The following NOM1 variants were observed in gnomAD, a reference collection of about 807,000 sequenced individuals.
NOM1 encodes the protein nucleolar protein with MIF4G domain 1, also known as nucleolar MIF4G domain-containing protein 1.
NOM1 carries 58 observed loss-of-function variants against 73.3 expected under a neutral mutation model. The observed-to-expected ratio is 0.79, with a 90% CI of 0.64 to 0.99. The LOEUF (loss-of-function observed/expected upper bound fraction) is 0.99, where lower values mean the gene tolerates loss of function less well. NOM1 is among the 50% of genes least tolerant of loss of function. The pLI, the probability that NOM1 is intolerant of heterozygous loss-of-function variation, is 0.00. For missense variants in NOM1, 1,226 were observed against 1,131.9 expected, an observed-to-expected ratio of 1.08 and a Z score of -1.19; for synonymous variants, 487 against 446.8, an observed-to-expected ratio of 1.09 and a Z score of -1.14.
chr7:156,966,476 C>T (rs890112355), intron 8 of NOM1, 74 bp downstream of exon 8: 66 of 1,563,446 alleles, frequency 4.2e-5, no homozygotes, highest in Non-Finnish European at 5.4e-5. Flanking sequence ...CTCAACCCAC[C>T]TGCAAAGGAG....
chr7:156,953,287 G>A (rs942762025), intron 2 of NOM1, among the ~76,000 whole-genome samples: 17 of 151,984 alleles, frequency 1.1e-4, no homozygotes, highest in Admixed American at 9.2e-4. Flanking sequence ...GCGCCACCAC[G>A]CCAACTAGTT....
intron 2 of NOM1, 90 bp from the exon 3 acceptor site, chr7:156,954,013 T>A: frequency 9.8e-7 from 1 of 1,015,814 alleles, no homozygotes; most frequent in South Asian, 1.5e-5. Flanking sequence ...AATATATTGT[T>A]GGTATGGATA....
chr7:156,950,479 G>A lies in NOM1; in HGVS notation c.742G>A (p.Glu248Lys), dbSNP rs151324588. Reference protein sequence around the residue: ...EEEDAGQTLPESDLESDSQDE... With the variant: ...EEEDAGQTLPKSDLESDSQDE... ...GGAAGATGCCGGACAGACACTCCCC[G>A]AAAGTGACTTAGAGAGTGACTCCCA... Residue 248 changes from glutamate to lysine, a missense_variant, in exon 1 of 11, where the codon GAA (glutamate) becomes AAA (lysine). Transcript: ENST00000275820. The A allele has an allele frequency of 1.2e-3, 2,002 of 1,614,004 alleles. 3 individuals are homozygous for A. The highest frequency in any genetic ancestry group is 1.6e-3 in the Non-Finnish European group (1,861 of 1,179,898).
intron 7 of NOM1, 127 bp from the exon 8 acceptor site, chr7:156,966,143 C>T (rs1325625924): frequency 1.7e-6 from 2 of 1,178,404 alleles, no homozygotes; most frequent in Non-Finnish European, 2.4e-6. Flanking sequence ...GCCGCTGCCT[C>T]CACCTCCTTT....
intron 2 of NOM1, among the ~76,000 whole-genome samples, chr7:156,953,030 A>G (rs1804631987): frequency 6.6e-6 from 1 of 152,238 alleles, no homozygotes; most frequent in African/African-American, 2.4e-5. Flanking sequence ...ATTGGAAACC[A>G]TACAGGTGGG....
chr7:156,967,154 TG>T, intron 9 of NOM1, 62 bp downstream of exon 9: 1 of 1,558,082 alleles, frequency 6.4e-7, no homozygotes. Flanking sequence ...GTTTAGTACC[TG>T]GTAAATCAGG....
At position 156,969,124 on chromosome 7, in the gene NOM1, G is replaced by GT; in HGVS notation, c.2342dup (p.Leu781PhefsTer15). 4 of 1,593,694 alleles carry GT rather than the reference G, an allele frequency of 2.5e-6. No individual in the cohort carries two copies. Among genetic ancestry groups the GT allele is most frequent in the Non-Finnish European group, 3.4e-6 (4 of 1,161,602 alleles). The stretch of plus-strand genomic sequence containing the variant: ...AGTGAATTGGACAAACCCAGAGTCC[G>GT]TTTTTTACGAAAAGTATTAAGTATC... On this transcript the variant is annotated frameshift_variant, in exon 10 of 11. Transcript: ENST00000275820. LOFTEE classifies it high-confidence loss of function.
chr7:156,954,404 C>T (rs1409138070), intron 3 of NOM1, 106 bp downstream of exon 3: 6 of 906,214 alleles, frequency 6.6e-6, no homozygotes, highest in African/African-American at 3.5e-5. Flanking sequence ...GTTCTTGTGT[C>T]GATTCCTTTT....
Position 156,963,892 on chromosome 7 carries a change from A to G in NOM1, c.1912-13A>G, listed in dbSNP as rs1268085686. The G allele has an allele frequency of 6.2e-7, 1 of 1,609,902 alleles. No individual in the cohort carries two copies. The highest frequency in any genetic ancestry group is 8.5e-7 in the Non-Finnish European group (1 of 1,178,052). On this transcript the variant is annotated splice_polypyrimidine_tract_variant and intron_variant, in intron 6 of 10. Transcript: ENST00000275820. ...AGACATGCGTATGACTTGTCCATTCATCGTGCTTCCAGGTCAGTTCAAAGA... is the reference window on the plus strand; with the variant it reads ...AGACATGCGTATGACTTGTCCATTCGTCGTGCTTCCAGGTCAGTTCAAAGA...
In NOM1 at chr7:156,950,386, G is replaced by C. The variant is rs1394508735; in HGVS notation, c.649G>C (p.Asp217His). 3.1e-6 allele frequency: 5 copies of C among 1,614,256 alleles called. No homozygotes were observed. The highest frequency in any genetic ancestry group is 4.2e-6 in the Non-Finnish European group (5 of 1,180,038). ...VPLSFARDGL[D>H]YILGALESGK... ...GCTGAGCTTTGCACGCGACGGTCTT[G>C]ACTATATTCTGGGAGCCCTGGAGTC... Residue 217 changes from aspartate to histidine, a missense_variant, in exon 1 of 11, where the codon GAC becomes CAC. By Grantham distance (81) the Asp-to-His change is moderately conservative. Transcript: ENST00000275820.
intron 8 of NOM1, 51 bp from the exon 9 acceptor site, chr7:156,966,910 A>G: frequency 1.3e-6 from 2 of 1,547,294 alleles, no homozygotes; most frequent in Non-Finnish European, 8.8e-7. Flanking sequence ...GTGATATATT[A>G]TAGTAATTTG....
intron 9 of NOM1, chr7:156,968,738 T>G: frequency 7.3e-6 from 1 of 137,104 alleles, no homozygotes; most frequent in Non-Finnish European, 1.5e-5. Flanking sequence ...TATATAGTTT[T>G]AATTAGGGGA....
rs1442211710 is a variant in NOM1 at position 156,949,933 on chromosome 7, G to A, written c.196G>A (p.Glu66Lys). 1 of 1,542,052 alleles carries A rather than the reference G, an allele frequency of 6.5e-7. No individual in the cohort carries two copies. ...TSEGEAPGGC[E>K]GRGAPVSFRP... is the part of the protein sequence containing the mutation. ...GGAAGGCGAGGCTCCCGGGGGTTGCGAGGGGCGCGGCGCCCCGGTGAGCTT... is the reference window on the plus strand; with the variant it reads ...GGAAGGCGAGGCTCCCGGGGGTTGCAAGGGGCGCGGCGCCCCGGTGAGCTT... The change falls in exon 1 of 11, where the codon GAG becomes AAG. Residue 66 changes from glutamate (E) to lysine (K), a missense_variant. Physicochemically the swap from Glu to Lys is moderately conservative, Grantham distance 56. Coordinates refer to ENST00000275820, the MANE Select transcript of NOM1 (RefSeq NM_138400.2).
chr7:156,951,217 G>A (rs909404291), intron 1 of NOM1, among the ~76,000 whole-genome samples: 4 of 152,286 alleles, frequency 2.6e-5, no homozygotes, highest in African/African-American at 9.6e-5. Flanking sequence ...GGCTAACGTG[G>A]TGAAACCCCG....
chr7:156,963,205 G>A (rs979871616), intron 6 of NOM1, 30 bp downstream of exon 6: 22 of 1,612,836 alleles, frequency 1.4e-5, no homozygotes, highest in Non-Finnish European at 1.9e-5. Flanking sequence ...AGGCTGCCAG[G>A]CAGAGGCACC....
intron 7 of NOM1, 53 bp from the exon 8 acceptor site, chr7:156,966,217 A>G (rs1426966392): frequency 2.2e-5 from 36 of 1,604,876 alleles, no homozygotes; most frequent in Non-Finnish European, 2.8e-5. Flanking sequence ...GGTATCAGCC[A>G]TTAAACTTTG....
At chr7:156,965,456 T>G (rs1804970454) in intron 7 of NOM1, among the ~76,000 whole-genome samples, 1 of 152,210 alleles carries the variant, frequency 6.6e-6, no homozygotes, top group African/African-American at 2.4e-5. Flanking sequence ...CAGAAGCAGA[T>G]TAGCAGTGGC....
intron 8 of NOM1, among the ~76,000 whole-genome samples, 194 bp downstream of exon 8, chr7:156,966,596 C>A (rs1341377303): frequency 6.6e-6 from 1 of 152,174 alleles, no homozygotes; most frequent in Admixed American, 6.5e-5. Flanking sequence ...TGTCAAGGGT[C>A]CACCATGTCC....
intron 3 of NOM1, among the ~76,000 whole-genome samples, chr7:156,955,205 G>C (rs574152824): frequency 7.9e-5 from 12 of 152,308 alleles, no homozygotes; most frequent in African/African-American, 2.4e-4. Context: ...TAAAGTCAGA[G>C]AGGCTCTTTG....
Sources: allele counts gnomAD v4.1 joint callset (sites outside exome capture counted in the v4.1 genomes callset), GRCh38; gene constraint gnomAD v4.1.1; transcripts MANE v1.5; gene names NCBI Gene and HGNC (gene_info 2026-07-23, HGNC 2026-07-21).